NRG1: variants seen among roughly 807,000 people sequenced by gnomAD.
NRG1 encodes the protein pro-neuregulin-1, membrane-bound isoform.
NRG1 carries 18 observed loss-of-function variants against 63.8 expected under a neutral mutation model. That is an observed-to-expected ratio of 0.28 (90% confidence interval 0.19 to 0.42). NRG1 has a LOEUF of 0.42. Ranked by LOEUF, NRG1 falls within the 10% of genes least tolerant of loss-of-function variation. NRG1 has a pLI of 1.00. For synonymous variants in NRG1, 302 were observed against 301.3 expected (o/e 1.00, Z -0.02); for missense variants, 762 against 814.7 (o/e 0.94, Z 0.79).
At chr8:32,008,335 G>A (rs1814130783) in intron 1 of NRG1, among the ~76,000 whole-genome samples, 1 of 151,992 alleles carries the variant, frequency 6.6e-6, no homozygotes, top group Admixed American at 6.6e-5. Context: ...TGTTACACAT[G>A]TATAACTATT....
intron 1 of NRG1, among the ~76,000 whole-genome samples, chr8:31,833,845 G>A (rs776785154): frequency 2.6e-5 from 4 of 152,096 alleles, no homozygotes; most frequent in African/African-American, 4.8e-5. Context: ...ATTCTATTGG[G>A]AAACAAGCTC....
At chr8:32,711,805 A>G (rs184093197) in intron 5 of NRG1, among the ~76,000 whole-genome samples, 2 of 152,302 alleles carry the variant, frequency 1.3e-5, no homozygotes, top group African/African-American at 4.8e-5. Context: ...GAGCACATTT[A>G]AAGTGCTCTG....
intron 2 of NRG1, among the ~76,000 whole-genome samples, chr8:32,603,468 C>T (rs949959018): frequency 6.6e-6 from 1 of 152,000 alleles, no homozygotes; most frequent in Non-Finnish European, 1.5e-5. Flanking sequence ...TCCCGACTAG[C>T]GCAGTTAACT....
intron 1 of NRG1, among the ~76,000 whole-genome samples, chr8:32,470,880 C>T (rs1303271122): frequency 2.6e-5 from 4 of 152,118 alleles, no homozygotes; most frequent in African/African-American, 9.6e-5. Flanking sequence ...TCACTGCAGC[C>T]TCAAATTCCT....
At chr8:32,046,494 T>C (rs1245403188) in intron 1 of NRG1, among the ~76,000 whole-genome samples, 1 of 152,066 alleles carries the variant, frequency 6.6e-6, no homozygotes, top group Non-Finnish European at 1.5e-5. Flanking sequence ...AAACCATATG[T>C]GAATATTTAT....
intron 5 of NRG1, among the ~76,000 whole-genome samples, chr8:32,675,638 G>A (rs1420416262): frequency 2.0e-5 from 3 of 152,252 alleles, no homozygotes; most frequent in East Asian, 3.9e-4. Flanking sequence ...TTGAGCAACA[G>A]CTATATTCCA....
chr8:32,556,769 A>G (rs552235762), intron 1 of NRG1, among the ~76,000 whole-genome samples: 2 of 152,270 alleles, frequency 1.3e-5, no homozygotes, highest in South Asian at 4.2e-4. Flanking sequence ...TATGTTTATA[A>G]CTCATCCCTT....
intron 1 of NRG1, among the ~76,000 whole-genome samples, chr8:32,121,142 G>A (rs1344721548): frequency 6.6e-6 from 1 of 152,040 alleles, no homozygotes; most frequent in Non-Finnish European, 1.5e-5. Flanking sequence ...GTTAGTCATT[G>A]CATAGTCTTT....
intron 1 of NRG1, among the ~76,000 whole-genome samples, chr8:32,248,664 T>C (rs1848810489): frequency 6.6e-6 from 1 of 152,054 alleles, no homozygotes; most frequent in African/African-American, 2.4e-5. Flanking sequence ...CATTGAAAGT[T>C]TGTTAGAATA....
At chr8:32,283,440 T>G (rs1853126470) in intron 1 of NRG1, among the ~76,000 whole-genome samples, 1 of 152,136 alleles carries the variant, frequency 6.6e-6, no homozygotes, top group African/African-American at 2.4e-5. Flanking sequence ...AGGGTAAAGG[T>G]CAAGTAAGTG....
At chr8:32,655,859 T>G (rs548301217) in intron 5 of NRG1, among the ~76,000 whole-genome samples, 39 of 152,220 alleles carry the variant, frequency 2.6e-4, no homozygotes, top group Non-Finnish European at 5.3e-4. Context: ...GTACTGTTTT[T>G]GGAAAGATTG....
intron 1 of NRG1, among the ~76,000 whole-genome samples, chr8:32,136,085 C>T (rs185147870): frequency 6.6e-5 from 10 of 151,976 alleles, no homozygotes; most frequent in East Asian, 5.8e-4. Flanking sequence ...GCTCATCTTA[C>T]GATCAGAGTC....
intron 1 of NRG1, among the ~76,000 whole-genome samples, chr8:31,985,029 C>G (rs1487397336): frequency 6.6e-6 from 1 of 152,062 alleles, no homozygotes; most frequent in Non-Finnish European, 1.5e-5. Context: ...AAATAACTCA[C>G]TTTTCTCTAT....
intron 1 of NRG1, among the ~76,000 whole-genome samples, chr8:32,588,247 CAGTT>C (rs1218150565): frequency 6.6e-6 from 1 of 152,094 alleles, no homozygotes; most frequent in South Asian, 2.1e-4. Flanking sequence ...TAAGTGCAGT[CAGTT>C]GAGTATGGTT....
intron 1 of NRG1, among the ~76,000 whole-genome samples, chr8:32,077,614 G>A (rs1826793239): frequency 6.6e-6 from 1 of 152,028 alleles, no homozygotes; most frequent in South Asian, 2.1e-4. Context: ...AAAAAACCTG[G>A]CAAAATGTAA....
chr8:32,183,822 T>C (rs968149945), intron 1 of NRG1, among the ~76,000 whole-genome samples: 5 of 152,184 alleles, frequency 3.3e-5, no homozygotes, highest in Admixed American at 6.5e-5. Context: ...TGCAGCTCTT[T>C]AATGTTCAGG....
intron 1 of NRG1, among the ~76,000 whole-genome samples, chr8:31,666,272 T>C (rs1356941872): frequency 6.6e-6 from 1 of 152,202 alleles, no homozygotes; most frequent in Non-Finnish European, 1.5e-5. Context: ...CTTCAAGTTA[T>C]AAGCTTTGCA....
intron 1 of NRG1, among the ~76,000 whole-genome samples, chr8:31,814,302 G>A (rs923065476): frequency 6.6e-6 from 1 of 152,296 alleles, no homozygotes. Flanking sequence ...GATCCAGTGG[G>A]CATCGTGGGT....
At chr8:32,436,631 A>G (rs982441896) in intron 1 of NRG1, among the ~76,000 whole-genome samples, 2 of 152,120 alleles carry the variant, frequency 1.3e-5, no homozygotes, top group African/African-American at 4.8e-5. Context: ...GAGTTATGCC[A>G]GGTCTTTTTC....
Sources: allele counts gnomAD v4.1 joint callset (sites outside exome capture counted in the v4.1 genomes callset), GRCh38; gene constraint gnomAD v4.1.1; transcripts MANE v1.5; gene names NCBI Gene and HGNC (gene_info 2026-07-23, HGNC 2026-07-21).